RALYL: variants seen among roughly 807,000 people sequenced by gnomAD.
The protein encoded by RALYL is RNA-binding Raly-like protein.
In RALYL, 29 loss-of-function variants were observed where a neutral mutation model predicts 35.1. The observed-to-expected ratio is 0.83, with a 90% CI of 0.61 to 1.13. The LOEUF (loss-of-function observed/expected upper bound fraction) is 1.13. RALYL is among the 50% of genes most tolerant of loss of function. RALYL has a pLI of 0.00. For missense variants in RALYL, 359 were observed against 360.4 expected (o/e 1.00, Z 0.03); for synonymous variants, 120 against 127.6 (o/e 0.94, Z 0.40).
chr8:84,410,144 A>G (rs2043956040), intron 1 of RALYL, among the ~76,000 whole-genome samples: 1 of 151,936 alleles, frequency 6.6e-6, no homozygotes, highest in Non-Finnish European at 1.5e-5. Context: ...TAAACATGAA[A>G]AATACTCTGA....
At chr8:84,274,016 A>C (rs76641248) in intron 1 of RALYL, among the ~76,000 whole-genome samples, 2,890 of 152,298 alleles carry the variant, frequency 0.019, 42 homozygotes, top group Non-Finnish European at 0.031. Context: ...TTTAAAACTC[A>C]TACCCACTTT....
chr8:84,673,713 C>A (rs1278541749), intron 2 of RALYL, among the ~76,000 whole-genome samples: 1 of 152,080 alleles, frequency 6.6e-6, no homozygotes, highest in Non-Finnish European at 1.5e-5. Context: ...TTTCTGGGTT[C>A]TCTATTCTGT....
At chr8:84,668,919 G>A (rs1010173938) in intron 2 of RALYL, among the ~76,000 whole-genome samples, 40 of 152,076 alleles carry the variant, frequency 2.6e-4, no homozygotes, top group African/African-American at 8.9e-4. Context: ...TAATTGGCAG[G>A]AAAGCTATTG....
chr8:84,854,704 C>T (rs895927674), intron 5 of RALYL, among the ~76,000 whole-genome samples: 5 of 152,260 alleles, frequency 3.3e-5, no homozygotes, highest in African/African-American at 9.6e-5. Context: ...GAACTGAAAA[C>T]GCAAAAAGAC....
intron 1 of RALYL, among the ~76,000 whole-genome samples, chr8:84,432,464 T>G (rs1357489214): frequency 1.3e-5 from 2 of 152,062 alleles, no homozygotes; most frequent in Non-Finnish European, 2.9e-5. Flanking sequence ...ATGCCTAAGG[T>G]CAATAATACT....
intron 2 of RALYL, among the ~76,000 whole-genome samples, chr8:84,643,210 T>G (rs1356586224): frequency 6.6e-6 from 1 of 151,344 alleles, no homozygotes; most frequent in Non-Finnish European, 1.5e-5. Flanking sequence ...AAAAGTCAGC[T>G]GAGTCTGAAC....
intron 1 of RALYL, among the ~76,000 whole-genome samples, chr8:84,459,475 A>G (rs1251689842): frequency 6.6e-6 from 1 of 151,800 alleles, no homozygotes; most frequent in Non-Finnish European, 1.5e-5. Context: ...GGTTTAAATC[A>G]TTAAAGGTGT....
At chr8:84,491,067 G>A (rs925763160) in intron 1 of RALYL, among the ~76,000 whole-genome samples, 2 of 151,752 alleles carry the variant, frequency 1.3e-5, no homozygotes, top group Non-Finnish European at 2.9e-5. Flanking sequence ...GACAATAGCT[G>A]TATTGTTTCC....
chr8:84,711,345 T>G (rs552046554), intron 2 of RALYL, among the ~76,000 whole-genome samples: 1 of 152,288 alleles, frequency 6.6e-6, no homozygotes, highest in Admixed American at 6.5e-5. Flanking sequence ...ACTTGTGCAA[T>G]AATTTTTAAA....
chr8:84,555,538 C>T (rs536987849), intron 2 of RALYL, among the ~76,000 whole-genome samples: 1 of 152,148 alleles, frequency 6.6e-6, no homozygotes, highest in African/African-American at 2.4e-5. Flanking sequence ...GCCGTCTTCT[C>T]TTTCACTAAC....
At chr8:84,620,415 T>G (rs1821062238) in intron 2 of RALYL, among the ~76,000 whole-genome samples, 1 of 152,030 alleles carries the variant, frequency 6.6e-6, no homozygotes, top group Non-Finnish European at 1.5e-5. Flanking sequence ...ATTCTTCACG[T>G]AGTTCTCGAG....
At chr8:84,716,656 T>C (rs528797756) in intron 2 of RALYL, among the ~76,000 whole-genome samples, 62 of 152,290 alleles carry the variant, frequency 4.1e-4, no homozygotes, top group African/African-American at 1.4e-3. Context: ...AAAGAAGCTG[T>C]ACCAGTAATA....
intron 1 of RALYL, among the ~76,000 whole-genome samples, chr8:84,463,116 A>G (rs1284876515): frequency 1.3e-5 from 2 of 151,960 alleles, no homozygotes; most frequent in African/African-American, 2.4e-5. Context: ...ACTCTTTCTC[A>G]TAGTTTAGCA....
intron 1 of RALYL, among the ~76,000 whole-genome samples, chr8:84,198,247 G>A (rs1815911222): frequency 6.6e-6 from 1 of 152,196 alleles, no homozygotes; most frequent in Non-Finnish European, 1.5e-5. Flanking sequence ...ATGATAATTT[G>A]TCTTAACAGT....
chr8:84,226,811 G>C (rs1823990910), intron 1 of RALYL, among the ~76,000 whole-genome samples: 1 of 152,042 alleles, frequency 6.6e-6, no homozygotes, highest in Admixed American at 6.6e-5. Context: ...AATCCAGTTG[G>C]ATTGTGACCA....
chr8:84,426,436 C>CTGTGTGTGTGTGTGTG (rs746277761), intron 1 of RALYL, among the ~76,000 whole-genome samples: 3 of 130,880 alleles, frequency 2.3e-5, no homozygotes, highest in African/African-American at 5.5e-5. Flanking sequence ...CTCTCTCTCT[C>CTGTGTGTGTGTGTGTG]TCTGTGTGTG....
chr8:84,704,480 C>CACACACACACACA (rs145150857), intron 2 of RALYL, among the ~76,000 whole-genome samples: 2,173 of 139,546 alleles, frequency 0.016, 36 homozygotes, highest in Non-Finnish European at 0.026. Context: ...CACACACACA[C>CACACACACACACA]ACAACAACTC....
At chr8:84,737,527 C>T (rs562499374) in intron 2 of RALYL, among the ~76,000 whole-genome samples, 3 of 152,062 alleles carry the variant, frequency 2.0e-5, no homozygotes, top group African/African-American at 7.2e-5. Flanking sequence ...AAGTAAAGGA[C>T]ATTCCCATAT....
intron 1 of RALYL, among the ~76,000 whole-genome samples, chr8:84,310,364 A>C (rs987193475): frequency 6.6e-6 from 1 of 152,068 alleles, no homozygotes; most frequent in Non-Finnish European, 1.5e-5. Context: ...AGAAAAAAAA[A>C]ATTGGCTAAC....
Sources: allele counts gnomAD v4.1 joint callset (sites outside exome capture counted in the v4.1 genomes callset), GRCh38; gene constraint gnomAD v4.1.1; transcripts MANE v1.5; gene names NCBI Gene and HGNC (gene_info 2026-07-23, HGNC 2026-07-21).